Variants in MACROD1 observed in about 807,000 individuals in gnomAD.
The protein encoded by MACROD1 is ADP-ribose glycohydrolase MACROD1.
MACROD1 carries 31 observed loss-of-function variants against 41.4 expected under a neutral mutation model. That is an observed-to-expected ratio of 0.75 (90% confidence interval 0.56 to 1.01). MACROD1 has a LOEUF of 1.01. Ranked by LOEUF, MACROD1 falls within the 50% of genes least tolerant of loss-of-function variation. MACROD1 has a pLI of 0.00. For missense variants in MACROD1, 473 were observed against 460.0 expected (o/e 1.03, Z -0.26); for synonymous variants, 252 against 203.4 (o/e 1.24, Z -2.03).
intron 1 of MACROD1, among the ~76,000 whole-genome samples, chr11:64,156,697 A>G (rs1378710778): frequency 6.6e-6 from 1 of 152,138 alleles, no homozygotes; most frequent in African/African-American, 2.4e-5. Context: ...CACAGCCCAC[A>G]AAGCCCCTTC....
chr11:64,102,538 G>A (rs975928811), intron 3 of MACROD1, among the ~76,000 whole-genome samples: 3 of 152,228 alleles, frequency 2.0e-5, no homozygotes, highest in Non-Finnish European at 4.4e-5. Context: ...AGCAAGAAGA[G>A]CAGGTGCCGG....
chr11:63,998,846 G>T lies in MACROD1; in HGVS notation c.*22C>A, dbSNP rs1217538970. On this transcript the variant is annotated 3_prime_UTR_variant, in exon 10 of 11. Transcript: ENST00000255681. ...GGCGAGGCCCTGCTTACCAGTCCCG[G>T]TCAGGGTGGGCTGCGGGAGCCTCAG... 2.5e-6 allele frequency: 4 copies of T among 1,584,784 alleles called. No individual in the cohort carries two copies. The South Asian group carries it at 3.4e-5, about 14-fold the overall frequency.
chr11:64,120,353 G>A lies in MACROD1; in HGVS notation c.517+30886C>T, dbSNP rs531258968. On this transcript the variant is annotated intron_variant, in intron 3 of 10. Coordinates refer to ENST00000255681, the MANE Select transcript of MACROD1 (RefSeq NM_014067.4). The surrounding 1 kb of genome is among the most constrained non-coding windows in gnomAD (Gnocchi z 4.5). ...TCATTTTCTCACACAATAAGGTCAA[G>A]AGAGAAATTTCCCCAGGCCTTAATG... 3.3e-5 allele frequency among the ~76,000 whole-genome samples: 5 copies of A among 152,354 alleles called. No homozygotes were observed. The highest frequency in any genetic ancestry group is 1.2e-4 in the African/African-American group (5 of 41,582).
At chr11:64,061,843 C>T (rs1459826319) in intron 3 of MACROD1, among the ~76,000 whole-genome samples, 2 of 147,596 alleles carry the variant, frequency 1.4e-5, no homozygotes, top group African/African-American at 2.5e-5. Flanking sequence ...TCCCAAGTAG[C>T]GGGACCACAG....
Position 64,004,623 on chromosome 11 carries a change from C to T in MACROD1, c.548-4280G>A, listed in dbSNP as rs373497100. Among the ~76,000 whole-genome samples, 232 of 152,266 alleles carry T rather than the reference C, an allele frequency of 1.5e-3. 1 individual carries two copies. The highest frequency in any genetic ancestry group is 5.1e-3 in the African/African-American group (214 of 41,556). ...GGTCTCTCTCTGCTCCCCCATTCCC[C>T]CTACCATCCCGTGGGGCTGGCCCAC... is the stretch of plus-strand genomic sequence containing the variant. On this transcript the variant is annotated intron_variant, in intron 4 of 10. Transcript: ENST00000255681.
chr11:64,040,619 A>G (rs1277500977), intron 3 of MACROD1, among the ~76,000 whole-genome samples: 1 of 152,202 alleles, frequency 6.6e-6, no homozygotes, highest in Non-Finnish European at 1.5e-5. Context: ...CTGCGTAGAC[A>G]GGTTGCCCCA....
At chr11:64,083,251 C>A (rs1349441308) in intron 3 of MACROD1, among the ~76,000 whole-genome samples, 1 of 152,136 alleles carries the variant, frequency 6.6e-6, no homozygotes, top group Non-Finnish European at 1.5e-5. Flanking sequence ...GCCTTGGCAA[C>A]ATGGTGAAAC....
At chr11:64,057,907 C>T (rs1163173187) in intron 3 of MACROD1, among the ~76,000 whole-genome samples, 1 of 152,246 alleles carries the variant, frequency 6.6e-6, no homozygotes, top group African/African-American at 2.4e-5. Flanking sequence ...CATGTGGGTG[C>T]AACCCCAAAG....
At position 63,998,605 on chromosome 11, in the gene MACROD1, G is replaced by GGAAA; in HGVS notation, c.*109_*112dup. The GGAAA allele has an allele frequency of 3.9e-6, 5 of 1,275,410 alleles. 2 individuals are homozygous for GGAAA. The allele number at this position is 1,275,410 out of a possible 1,614,324, so 79.0% of individuals were successfully genotyped here. On this transcript the variant is annotated 3_prime_UTR_variant, in exon 11 of 11. Coordinates refer to ENST00000255681, the MANE Select transcript of MACROD1 (RefSeq NM_014067.4). ...GGCTCCTCGGGGGCGGGGCGCGGAG[G>GGAAA]GAAAGAAGGGGTGGCCAGGCCCAGG...
chr11:64,000,874 T>G (rs1942813404), intron 4 of MACROD1, among the ~76,000 whole-genome samples: 1 of 152,122 alleles, frequency 6.6e-6, no homozygotes, highest in African/African-American at 2.4e-5. Context: ...ATTTTGCGGA[T>G]GAGGAAACCG....
intron 3 of MACROD1, among the ~76,000 whole-genome samples, chr11:64,134,700 G>A (rs951355625): frequency 9.2e-5 from 14 of 152,236 alleles, no homozygotes; most frequent in Admixed American, 7.2e-4. Flanking sequence ...CCTCTCTAGT[G>A]GGTGAAGAAT....
At position 64,152,286 on chromosome 11, in the gene MACROD1, G is replaced by T; in HGVS notation, c.400+6C>A. 1 of 1,613,950 alleles carries T rather than the reference G, an allele frequency of 6.2e-7. No homozygotes were observed. The highest frequency in any genetic ancestry group is 2.2e-5 in the East Asian group (1 of 44,890). On this transcript the variant is annotated splice_donor_region_variant and intron_variant, in intron 2 of 10. Transcript: ENST00000255681. Reference sequence around the variant, plus strand: ...CCCACCAGGGCCTCCCCCGAGCAGGGCCTACCTTTCGCCATCTCCTTCCAT... The same window carrying T: ...CCCACCAGGGCCTCCCCCGAGCAGGTCCTACCTTTCGCCATCTCCTTCCAT...
chr11:64,005,002 G>A (rs549221815), intron 4 of MACROD1, among the ~76,000 whole-genome samples: 1 of 96,238 alleles, frequency 1.0e-5, no homozygotes, highest in Admixed American at 8.9e-5. Flanking sequence ...AGTGAGAGGA[G>A]GAGCAGAAAC....
At chr11:64,118,463 G>C in intron 3 of MACROD1, 1 of 658,006 alleles carries the variant, frequency 1.5e-6, no homozygotes, top group East Asian at 3.0e-5. Flanking sequence ...GAACACAACA[G>C]TGACAATTTT....
At chr11:64,155,018 C>T (rs1049087220) in intron 1 of MACROD1, among the ~76,000 whole-genome samples, 1 of 152,154 alleles carries the variant, frequency 6.6e-6, no homozygotes, top group African/African-American at 2.4e-5. Flanking sequence ...GGCGCCGGCC[C>T]CCTTTCTTGA....
At chr11:64,010,296 T>TGTTG (rs71039701) in intron 4 of MACROD1, among the ~76,000 whole-genome samples, 33,910 of 86,020 alleles carry the variant, frequency 0.39, 6,264 homozygotes, top group Non-Finnish European at 0.48. Flanking sequence ...CATGTTGGGG[T>TGTTG]GTTGGAGTGT....
chr11:64,145,448 G>A (rs538523367), intron 3 of MACROD1, among the ~76,000 whole-genome samples: 48 of 152,156 alleles, frequency 3.2e-4, no homozygotes, highest in Non-Finnish European at 5.4e-4. Flanking sequence ...GGGACTCTCC[G>A]TGTGCCAGGC....
chr11:64,121,838 G>A (rs1363016744), intron 3 of MACROD1, among the ~76,000 whole-genome samples: 3 of 152,270 alleles, frequency 2.0e-5, no homozygotes, highest in Admixed American at 2.0e-4. Flanking sequence ...TGGCATTTAA[G>A]GCAGGTTTAA....
chr11:64,024,089 T>C lies in MACROD1; in HGVS notation c.518-8808A>G, dbSNP rs575423048. Among the ~76,000 whole-genome samples, 8 of 152,274 alleles carry C rather than the reference T, an allele frequency of 5.3e-5. No individual in the cohort carries two copies. In the South Asian group the frequency reaches 8.3e-4, roughly 16 times the overall value. ...CCTGTCCCCAGGCACCTTCCACTTA[T>C]TGCTATTTTCCTAAGTAAAAAATTC... On this transcript the variant is annotated intron_variant, in intron 3 of 10. Transcript: ENST00000255681.
Sources: allele counts gnomAD v4.1 joint callset (sites outside exome capture counted in the v4.1 genomes callset), GRCh38; gene constraint gnomAD v4.1.1; non-coding constraint Gnocchi (gnomAD v3.1); transcripts MANE v1.5; gene names NCBI Gene and HGNC (gene_info 2026-07-23, HGNC 2026-07-21).